The following HDAC9 variants were observed in gnomAD, a reference collection of about 807,000 sequenced individuals.
The protein encoded by HDAC9 is MEF-2 interacting transcription repressor (MITR) protein.
Under a neutral mutation model 139.4 loss-of-function variants are expected in HDAC9, and 41 were observed. The observed-to-expected ratio is 0.29, with a 90% confidence interval of 0.23 to 0.38. The LOEUF (loss-of-function observed/expected upper bound fraction) is 0.38. Ranked by LOEUF, HDAC9 falls within the 10% of genes least tolerant of loss-of-function variation. The pLI is 1.00. For missense variants in HDAC9, 1,147 were observed against 1,297.0 expected, an observed-to-expected ratio of 0.88 and a Z score of 1.78; for synonymous variants, 517 against 476.2, an observed-to-expected ratio of 1.09 and a Z score of -1.12.
At chr7:18,527,010 A>G (rs1807164570) in intron 2 of HDAC9, among the ~76,000 whole-genome samples, 1 of 152,196 alleles carries the variant, frequency 6.6e-6, no homozygotes, top group Non-Finnish European at 1.5e-5. Flanking sequence ...TAAATGATTT[A>G]GTATAGAAAA....
At chr7:18,474,992 C>T (rs993669304) in intron 1 of HDAC9, among the ~76,000 whole-genome samples, 3 of 152,212 alleles carry the variant, frequency 2.0e-5, no homozygotes, top group African/African-American at 7.2e-5. Context: ...AAGATAGTCA[C>T]AGTAAGTGTT....
Position 18,666,227 on chromosome 7 carries a change from T to G in HDAC9, c.1482T>G (p.Ser494=), listed in dbSNP as rs1794824945. Residue 494 remains serine (S), a synonymous_variant, in exon 12 of 26, where the codon TCT becomes TCG. Transcript: ENST00000686413. ...CTCTCTTCTAGCTGCTTTCGAAATC[T>G]ATTGAACAACTGAAGCAACCAGGCA... ...QIHMNKLLSK[S]IEQLKQPGSH... 2.5e-6 allele frequency: 4 copies of G among 1,611,780 alleles called. No homozygotes were observed. Among genetic ancestry groups the G allele is most frequent in the Non-Finnish European group, 3.4e-6 (4 of 1,178,546 alleles).
intron 22 of HDAC9, among the ~76,000 whole-genome samples, chr7:18,884,252 C>A (rs867095856): frequency 1.4e-4 from 21 of 152,194 alleles, no homozygotes; most frequent in Admixed American, 1.2e-3. Flanking sequence ...CAATCTTGAT[C>A]AAAAAACACA....
At chr7:18,324,419 A>T (rs1800280317) in intron 1 of HDAC9, among the ~76,000 whole-genome samples, 1 of 152,202 alleles carries the variant, frequency 6.6e-6, no homozygotes, top group Non-Finnish European at 1.5e-5. Flanking sequence ...TACCAGTCTC[A>T]TAGGGATGTA....
In HDAC9 at chr7:18,593,781, G is replaced by C. The variant is rs56161341; in HGVS notation, c.543-127G>C. The C allele has an allele frequency of 5.5e-3, 5,184 of 941,998 alleles. 28 individuals are homozygous for C. Among genetic ancestry groups the C allele is most frequent in the Non-Finnish European group, 7.1e-3 (4,282 of 600,852 alleles). 58.4% of individuals were successfully genotyped at this position (941,998 alleles called of 1,614,324 possible). The stretch of plus-strand genomic sequence containing the variant: ...ACTTGGTTATGTGAGGCTATGGTTT[G>C]TATACACTAAGGAGAAAGAGCATAA... On this transcript the variant is annotated intron_variant, in intron 5 of 25. Coordinates refer to ENST00000686413, the MANE Select transcript of HDAC9 (RefSeq NM_178425.4).
chr7:18,874,234 GTT>G (rs35536284), intron 21 of HDAC9, among the ~76,000 whole-genome samples: 1 of 143,538 alleles, frequency 7.0e-6, no homozygotes. Context: ...CTGCAAAGCA[GTT>G]TTTTTTTTTT....
intron 2 of HDAC9, among the ~76,000 whole-genome samples, chr7:18,167,649 G>A (rs877250): frequency 0.4 from 61,330 of 151,996 alleles, 13,670 homozygotes; most frequent in African/African-American, 0.59. Context: ...GTGCATCTCC[G>A]CATCAAGCTG....
At chr7:18,813,717 T>C (rs532365642) in intron 17 of HDAC9, among the ~76,000 whole-genome samples, 1 of 152,334 alleles carries the variant, frequency 6.6e-6, no homozygotes, top group South Asian at 2.1e-4. Context: ...GTTGTACCAG[T>C]GCTCCAACTC....
At chr7:18,435,059 CAAAAAA>C (rs376786180) in intron 1 of HDAC9, among the ~76,000 whole-genome samples, 15 of 67,800 alleles carry the variant, frequency 2.2e-4, no homozygotes, top group South Asian at 7.7e-4. Flanking sequence ...ACTACACAGC[CAAAAAA>C]AAAAAAAAAA....
In HDAC9 at chr7:18,458,942, G is replaced by A. The variant is rs1380659827; in HGVS notation, c.-41-37320G>A. 7.1e-6 allele frequency: 10 copies of A among 1,405,354 alleles called. No homozygotes were observed. In the East Asian group the frequency reaches 2.2e-4, roughly 31 times the overall value. The allele number at this position is 1,405,354 out of a possible 1,614,324, so 87.1% of individuals were successfully genotyped here. A position where few individuals can be genotyped will look rare whatever the true frequency, so the allele number is the denominator to read the frequency against. Reference sequence around the variant, plus strand: ...ATCCTTTTTCTTTGGTTTCTTGGGAGTAGAGCTGAACATGAGTGGGTGACT... The same window carrying A: ...ATCCTTTTTCTTTGGTTTCTTGGGAATAGAGCTGAACATGAGTGGGTGACT... On this transcript the variant is annotated intron_variant, in intron 1 of 3. Transcript: ENST00000413509.
At chr7:18,484,173 CAA>C (rs1177599086) in intron 1 of HDAC9, among the ~76,000 whole-genome samples, 32 of 63,238 alleles carry the variant, frequency 5.1e-4, no homozygotes, top group African/African-American at 1.1e-3. Context: ...CCTTATCTCT[CAA>C]AAAAAAAAAA....
At chr7:18,195,434 T>C (rs73317873) in intron 2 of HDAC9, among the ~76,000 whole-genome samples, 5,944 of 152,270 alleles carry the variant, frequency 0.039, 391 homozygotes, top group African/African-American at 0.13. Context: ...TAGATCTTAA[T>C]CTTAAATGAG....
intron 12 of HDAC9, among the ~76,000 whole-genome samples, chr7:18,684,929 T>G (rs1782159525): frequency 6.6e-6 from 1 of 152,014 alleles, no homozygotes; most frequent in South Asian, 2.1e-4. Flanking sequence ...CATTTGAAAT[T>G]TGAAGGAAAA....
chr7:18,837,155 G>A (rs1796292587), intron 21 of HDAC9, among the ~76,000 whole-genome samples: 1 of 151,296 alleles, frequency 6.6e-6, no homozygotes, highest in South Asian at 2.1e-4. Flanking sequence ...GTTTGGCTTG[G>A]CATTCAAGAT....
At chr7:18,348,038 G>T (rs960976177) in intron 1 of HDAC9, among the ~76,000 whole-genome samples, 3 of 152,286 alleles carry the variant, frequency 2.0e-5, no homozygotes, top group Middle Eastern at 3.4e-3. Context: ...GACGGATCAT[G>T]CAGTAACTAG....
At chr7:18,087,395 A>T (rs147901138) in intron 1 of HDAC9, among the ~76,000 whole-genome samples, 7 of 152,192 alleles carry the variant, frequency 4.6e-5, no homozygotes, top group Middle Eastern at 3.4e-3. Context: ...CGGTGGGTTT[A>T]AGGGAACCTT....
chr7:18,748,442 G>A (rs1454363659), intron 13 of HDAC9, among the ~76,000 whole-genome samples: 4 of 152,056 alleles, frequency 2.6e-5, no homozygotes, highest in Non-Finnish European at 5.9e-5. Context: ...ATAAATTATG[G>A]GGAGAAACAC....
chr7:18,637,523 A>T (rs1026716735), intron 8 of HDAC9, among the ~76,000 whole-genome samples: 1 of 152,094 alleles, frequency 6.6e-6, no homozygotes, highest in South Asian at 2.1e-4. Context: ...AAAAAGAAAA[A>T]CAAAACAAAA....
At chr7:18,422,752 A>G (rs962710455) in intron 1 of HDAC9, among the ~76,000 whole-genome samples, 2 of 151,152 alleles carry the variant, frequency 1.3e-5, no homozygotes, top group African/African-American at 4.9e-5. Context: ...GCGCACACAC[A>G]CACACACACA....
Sources: allele counts gnomAD v4.1 joint callset (sites outside exome capture counted in the v4.1 genomes callset), GRCh38; gene constraint gnomAD v4.1.1; transcripts MANE v1.5; gene names NCBI Gene and HGNC (gene_info 2026-07-23, HGNC 2026-07-21).